The following CEP63 variants were observed in gnomAD, a reference collection of about 807,000 sequenced individuals.
CEP63 encodes the protein centrosomal protein 63.
CEP63 carries 84 observed loss-of-function variants against 89.1 expected under a neutral mutation model. That is an observed-to-expected ratio of 0.94 (90% CI 0.79 to 1.13). CEP63 has a LOEUF of 1.13. Among genes scored for constraint, CEP63 ranks in the 50% most tolerant of loss-of-function variants. The pLI, the probability that CEP63 is intolerant of heterozygous loss-of-function variation, is 0.00. For synonymous variants in CEP63, 267 were observed against 272.5 expected (o/e 0.98, Z 0.20); for missense variants, 838 against 813.3 (o/e 1.03, Z -0.37).
the CEP63 span, among the ~76,000 whole-genome samples, chr3:134,636,063 T>G: frequency 6.6e-6 from 1 of 152,320 alleles, no homozygotes; most frequent in East Asian, 1.9e-4. Context: ...GTTTTGCTAT[T>G]AGAAATGATG....
chr3:134,627,826 AT>A, the CEP63 span: 4 of 1,609,870 alleles, frequency 2.5e-6, no homozygotes, highest in Admixed American at 6.7e-5. Context: ...AACCTACAAT[AT>A]TCCAAAGATC....
At chr3:134,753,706 A>G in the CEP63 span, among the ~76,000 whole-genome samples, 1 of 152,190 alleles carries the variant, frequency 6.6e-6, no homozygotes, top group Non-Finnish European at 1.5e-5. Flanking sequence ...CCATCCTCAT[A>G]ATGCGCCTTG....
the CEP63 span, among the ~76,000 whole-genome samples, chr3:134,675,267 C>T: frequency 3.9e-5 from 6 of 152,040 alleles, no homozygotes; most frequent in African/African-American, 1.2e-4. Context: ...ACAAGGGTGT[C>T]AAGACAAACA....
chr3:134,767,736 C>T, the CEP63 span, among the ~76,000 whole-genome samples: 9 of 152,112 alleles, frequency 5.9e-5, no homozygotes, highest in South Asian at 4.1e-4. Flanking sequence ...GGGTTCTTGC[C>T]GAGGGCTTTG....
At chr3:134,742,007 T>TGC in the CEP63 span, among the ~76,000 whole-genome samples, 1 of 152,116 alleles carries the variant, frequency 6.6e-6, no homozygotes, top group African/African-American at 2.4e-5. Flanking sequence ...TGTGTGTGTG[T>TGC]GTGTGTGCAC....
chr3:134,579,176 T>C (rs1958288208), downstream of CEP63, among the ~76,000 whole-genome samples: 1 of 152,242 alleles, frequency 6.6e-6, no homozygotes, highest in African/African-American at 2.4e-5. Context: ...TCATGTATTA[T>C]AAGAAGTATA....
intron 3 of CEP63, among the ~76,000 whole-genome samples, chr3:134,520,617 T>C (rs906649343): frequency 1.3e-5 from 2 of 152,162 alleles, no homozygotes; most frequent in African/African-American, 4.8e-5. Flanking sequence ...GGTGGAGCAC[T>C]TAGGGTACTA....
the CEP63 span, among the ~76,000 whole-genome samples, chr3:134,610,020 GC>G: frequency 6.6e-6 from 1 of 152,132 alleles, no homozygotes; most frequent in Non-Finnish European, 1.5e-5. Flanking sequence ...AAGGGTCTGG[GC>G]CCTCACAATT....
At position 134,495,352 on chromosome 3, in the gene CEP63, G is replaced by A; in HGVS notation, c.32G>A (p.Arg11Gln). 1 of 1,612,964 alleles carries A rather than the reference G, an allele frequency of 6.2e-7. No individual in the cohort carries two copies. Among genetic ancestry groups the A allele is most frequent in the East Asian group, 2.2e-5 (1 of 44,840 alleles). Residue 11 changes from arginine (R) to glutamine (Q), a missense_variant, in exon 2 of 15, where the codon CGA becomes CAA. Arg to Gln is a conservative substitution (Grantham distance 43, BLOSUM62 1). Transcript: ENST00000675561. MEALLEGIQN[R>Q]GHGGGFLTSC... ...GCTTTGTTAGAAGGAATACAAAATC[G>A]AGGGCATGGTGGGTAAGTTTGCTTT... is the stretch of plus-strand genomic sequence containing the variant.
At chr3:134,676,845 G>A in the CEP63 span, among the ~76,000 whole-genome samples, 2 of 152,192 alleles carry the variant, frequency 1.3e-5, no homozygotes, top group African/African-American at 4.8e-5. Flanking sequence ...ACCTAGCCTG[G>A]CAGACATGTC....
downstream of CEP63, among the ~76,000 whole-genome samples, chr3:134,587,926 CA>C (rs1371107916): frequency 6.6e-6 from 1 of 151,778 alleles, no homozygotes; most frequent in Non-Finnish European, 1.5e-5. Context: ...ACAAGACTAA[CA>C]AACTTGAATT....
At chr3:134,671,916 G>A in the CEP63 span, among the ~76,000 whole-genome samples, 4 of 152,202 alleles carry the variant, frequency 2.6e-5, no homozygotes, top group African/African-American at 9.6e-5. Flanking sequence ...GGCAATGTGT[G>A]TGGATGTAGG....
chr3:134,740,412 C>A, the CEP63 span, among the ~76,000 whole-genome samples: 1 of 152,042 alleles, frequency 6.6e-6, no homozygotes, highest in Non-Finnish European at 1.5e-5. Flanking sequence ...ATTCTCCTGC[C>A]TCAGCCTCCC....
the CEP63 span, among the ~76,000 whole-genome samples, chr3:134,695,628 G>A: frequency 1.3e-5 from 2 of 152,194 alleles, no homozygotes; most frequent in East Asian, 1.9e-4. Context: ...TAGACTCCCG[G>A]AAGGAAAGAA....
chr3:134,569,065 C>A (rs1421664536), downstream of CEP63, among the ~76,000 whole-genome samples: 1 of 152,168 alleles, frequency 6.6e-6, no homozygotes, highest in African/African-American at 2.4e-5. Flanking sequence ...TTCACCATCA[C>A]GAGAACAGCG....
At position 134,546,127 on chromosome 3, in the gene CEP63, A is replaced by G; in HGVS notation, c.790-22A>G. The G allele has an allele frequency of 1.9e-6, 3 of 1,612,628 alleles. No homozygotes were observed. The African/African-American group carries it at 4.0e-5, about 22-fold the overall frequency. On this transcript the variant is annotated intron_variant, in intron 7 of 14. Coordinates refer to ENST00000675561, the MANE Select transcript of CEP63 (RefSeq NM_001353108.3). ...GGAATTAAAAAGAAGGAAAATTATAATCATATTTGACTTTTTTGCAGGCTC... is the reference window on the plus strand; with the variant it reads ...GGAATTAAAAAGAAGGAAAATTATAGTCATATTTGACTTTTTTGCAGGCTC...
At chr3:134,650,488 G>A in the CEP63 span, among the ~76,000 whole-genome samples, 1,270 of 152,282 alleles carry the variant, frequency 8.3e-3, 19 homozygotes, top group African/African-American at 0.029. Context: ...TCAGCCCTGA[G>A]GCTCTGGCCG....
chr3:134,773,691 C>A, the CEP63 span, among the ~76,000 whole-genome samples: 2 of 152,022 alleles, frequency 1.3e-5, no homozygotes, highest in African/African-American at 2.4e-5. Context: ...CACAGCCCAC[C>A]CCCCCACCTT....
the CEP63 span, among the ~76,000 whole-genome samples, chr3:134,676,426 G>A: frequency 6.6e-6 from 1 of 152,224 alleles, no homozygotes; most frequent in Admixed American, 6.5e-5. Context: ...GGGGTTTGGG[G>A]TAGGGAAAAA....
Sources: allele counts gnomAD v4.1 joint callset (sites outside exome capture counted in the v4.1 genomes callset), GRCh38; gene constraint gnomAD v4.1.1; transcripts MANE v1.5; gene names NCBI Gene and HGNC (gene_info 2026-07-23, HGNC 2026-07-21).